Variants in ASTN2 observed in about 807,000 individuals in gnomAD.
ASTN2 encodes astrotactin-2.
A neutral mutation model predicts 139.8 loss-of-function variants in ASTN2; 54 were observed. That is an observed-to-expected ratio of 0.39 (90% CI 0.31 to 0.48). The LOEUF is 0.48. Ranked by LOEUF, ASTN2 falls within the 20% of genes least tolerant of loss-of-function variation. The pLI, the probability that ASTN2 is intolerant of heterozygous loss-of-function variation, is 0.95. For missense variants in ASTN2, 1,565 were observed against 1,725.1 expected (o/e 0.91, Z 1.64); for synonymous variants, 756 against 719.5 (o/e 1.05, Z -0.81).
intron 3 of ASTN2, among the ~76,000 whole-genome samples, chr9:117,194,942 A>G (rs757091349): frequency 2.4e-5 from 3 of 124,180 alleles, no homozygotes; most frequent in Non-Finnish European, 3.4e-5. Context: ...AAAGACTAAA[A>G]TATCCATCAG....
chr9:116,665,124 C>T (rs1442479966), intron 16 of ASTN2, among the ~76,000 whole-genome samples: 1 of 152,202 alleles, frequency 6.6e-6, no homozygotes, highest in Non-Finnish European at 1.5e-5. Context: ...CTTCCTGAAG[C>T]CTTACCAGAA....
chr9:117,191,874 C>A (rs1831357691), intron 3 of ASTN2, among the ~76,000 whole-genome samples: 1 of 152,050 alleles, frequency 6.6e-6, no homozygotes, highest in Non-Finnish European at 1.5e-5. Flanking sequence ...TGCAAGGGTC[C>A]CCAGAGATAA....
chr9:116,904,257 A>C (rs893736033), intron 10 of ASTN2, among the ~76,000 whole-genome samples: 7 of 152,174 alleles, frequency 4.6e-5, no homozygotes, highest in Non-Finnish European at 8.8e-5. Context: ...AGGACACAGG[A>C]GCATCAGGGG....
chr9:117,225,535 G>GTATATATATGTGTA (rs1554793419), intron 2 of ASTN2, among the ~76,000 whole-genome samples: 2 of 63,962 alleles, frequency 3.1e-5, no homozygotes, highest in East Asian at 5.0e-3. Flanking sequence ...CAAGCTGTAT[G>GTATATATATGTGTA]TATATATATA....
intron 2 of ASTN2, among the ~76,000 whole-genome samples, chr9:117,216,770 G>C (rs1039633328): frequency 6.6e-6 from 1 of 152,086 alleles, no homozygotes; most frequent in African/African-American, 2.4e-5. Flanking sequence ...GAGGAAGAGT[G>C]AAGAGGAGAG....
chr9:116,941,048 C>T (rs909534760), intron 10 of ASTN2, among the ~76,000 whole-genome samples: 4 of 152,118 alleles, frequency 2.6e-5, no homozygotes, highest in Non-Finnish European at 5.9e-5. Context: ...GTACAGTAAC[C>T]TTTACCATCT....
intron 5 of ASTN2, among the ~76,000 whole-genome samples, chr9:117,048,960 T>C (rs1838828173): frequency 8.1e-6 from 1 of 124,218 alleles, no homozygotes; most frequent in African/African-American, 3.1e-5. Context: ...TCTTCATCCA[T>C]TGCTTTTTTT....
At chr9:116,501,487 G>A (rs1363985834) in intron 19 of ASTN2, among the ~76,000 whole-genome samples, 2 of 152,098 alleles carry the variant, frequency 1.3e-5, no homozygotes, top group African/African-American at 4.8e-5. Context: ...ACCCAGTAAT[G>A]GGATGGCTGG....
chr9:117,246,780 C>T (rs1833394669), intron 2 of ASTN2, among the ~76,000 whole-genome samples: 1 of 152,102 alleles, frequency 6.6e-6, no homozygotes, highest in Admixed American at 6.5e-5. Flanking sequence ...ATAAAGTGTG[C>T]CCTTATTTCA....
intron 1 of ASTN2, among the ~76,000 whole-genome samples, chr9:117,357,847 T>C (rs1450061443): frequency 6.6e-6 from 1 of 152,194 alleles, no homozygotes; most frequent in African/African-American, 2.4e-5. Context: ...CTTGGAAGTC[T>C]GGGTACCTAA....
At chr9:117,285,249 T>A (rs1161530762) in intron 2 of ASTN2, among the ~76,000 whole-genome samples, 1 of 151,626 alleles carries the variant, frequency 6.6e-6, no homozygotes, top group Non-Finnish European at 1.5e-5. Flanking sequence ...CATAGTTGGC[T>A]CAATCTGAGC....
At chr9:117,331,060 C>T (rs1587954243) in intron 1 of ASTN2, among the ~76,000 whole-genome samples, 4 of 152,292 alleles carry the variant, frequency 2.6e-5, no homozygotes, top group Admixed American at 2.6e-4. Flanking sequence ...CTTGTGTAAC[C>T]CACTTGGGTT....
At chr9:116,940,381 G>T (rs1268574990) in intron 10 of ASTN2, among the ~76,000 whole-genome samples, 1 of 152,094 alleles carries the variant, frequency 6.6e-6, no homozygotes, top group Non-Finnish European at 1.5e-5. Context: ...AAAAGGCATT[G>T]CTATCATAGG....
intron 17 of ASTN2, among the ~76,000 whole-genome samples, chr9:116,638,071 A>T (rs894643803): frequency 3.9e-5 from 6 of 152,354 alleles, no homozygotes; most frequent in Non-Finnish European, 5.9e-5. Flanking sequence ...AAAAGAATCA[A>T]GTAATACATA....
At chr9:116,545,277 AATTAC>A (rs1852044943) in intron 19 of ASTN2, among the ~76,000 whole-genome samples, 1 of 152,234 alleles carries the variant, frequency 6.6e-6, no homozygotes, top group Non-Finnish European at 1.5e-5. Flanking sequence ...GGTTTTCTGT[AATTAC>A]ACATGGTCCT....
chr9:117,288,362 C>G (rs1474198470), intron 2 of ASTN2, among the ~76,000 whole-genome samples: 1 of 152,152 alleles, frequency 6.6e-6, no homozygotes, highest in Non-Finnish European at 1.5e-5. Flanking sequence ...CATGGGTGAG[C>G]AGGATATCTG....
At chr9:116,544,489 T>G (rs1373594995) in intron 19 of ASTN2, among the ~76,000 whole-genome samples, 1 of 152,246 alleles carries the variant, frequency 6.6e-6, no homozygotes, top group Non-Finnish European at 1.5e-5. Flanking sequence ...TTAGCAGTTA[T>G]TTGCTATGTT....
At chr9:116,806,535 G>A (rs1441121275) in intron 12 of ASTN2, among the ~76,000 whole-genome samples, 5 of 152,184 alleles carry the variant, frequency 3.3e-5, no homozygotes, top group African/African-American at 4.8e-5. Context: ...CCAGAAACTG[G>A]AATTCTATGA....
intron 1 of ASTN2, among the ~76,000 whole-genome samples, chr9:117,392,146 G>A (rs938008252): frequency 1.3e-5 from 2 of 152,148 alleles, no homozygotes; most frequent in Non-Finnish European, 2.9e-5. Flanking sequence ...AAGGCCTGAC[G>A]GGGGATTAAG....
Sources: gnomAD v4.1 joint callset for allele counts (sites outside exome capture counted in the v4.1 genomes callset) on GRCh38, gnomAD v4.1.1 for gene constraint, MANE v1.5 for transcripts, NCBI Gene and HGNC (gene_info 2026-07-23, HGNC 2026-07-21) for gene names.